The following AOX1 variants were observed in gnomAD, a reference collection of about 807,000 sequenced individuals.
AOX1 encodes the protein aldehyde oxidase.
In AOX1, 153 loss-of-function variants were observed where a neutral mutation model predicts 169.5. The ratio of observed to expected loss-of-function variants is 0.90; its 90% CI spans 0.79 to 1.03. AOX1 has a LOEUF of 1.03. AOX1 is among the 50% of genes least tolerant of loss of function. AOX1 has a pLI of 0.00. For missense variants in AOX1, 1,656 were observed against 1,663.9 expected, an observed-to-expected ratio of 1.00 and a Z score of 0.08; for synonymous variants, 562 against 581.9, an observed-to-expected ratio of 0.97 and a Z score of 0.49.
At chr2:200,636,509 T>A (rs1439739848) in intron 21 of AOX1, among the ~76,000 whole-genome samples, 5 of 152,080 alleles carry the variant, frequency 3.3e-5, no homozygotes, top group Non-Finnish European at 7.4e-5. Context: ...GACTGCAAAA[T>A]CCCACAGCTT....
chr2:200,605,905 T>C (rs1391463440), intron 10 of AOX1, among the ~76,000 whole-genome samples: 2 of 152,206 alleles, frequency 1.3e-5, no homozygotes, highest in African/African-American at 2.4e-5. Context: ...AGTGGGTAGA[T>C]TGCAAAACTT....
intron 26 of AOX1, among the ~76,000 whole-genome samples, chr2:200,652,262 G>A (rs984118191): frequency 6.6e-6 from 1 of 152,180 alleles, no homozygotes; most frequent in Non-Finnish European, 1.5e-5. Context: ...AGCTTTGATT[G>A]TAGGCAGGTG....
chr2:200,622,393 A>AGGTTTTCTGCATAATTCGAGCAGTCAG (rs1559242811), intron 18 of AOX1, among the ~76,000 whole-genome samples: 1 of 152,074 alleles, frequency 6.6e-6, no homozygotes. Flanking sequence ...ACAGCAGTCA[A>AGGTTTTCTGCATAATTCGAGCAGTCAG]CAGGTTTTCT....
intron 20 of AOX1, among the ~76,000 whole-genome samples, chr2:200,630,766 C>T (rs1055399677): frequency 2.0e-5 from 3 of 152,066 alleles, no homozygotes; most frequent in Admixed American, 6.6e-5. Context: ...TATTTCAATG[C>T]GAGGTAATTG....
chr2:200,630,083 G>A (rs2035085160), intron 20 of AOX1, among the ~76,000 whole-genome samples: 1 of 151,454 alleles, frequency 6.6e-6, no homozygotes, highest in Admixed American at 6.6e-5. Context: ...TATTAAAAAA[G>A]AAAAAGGAAG....
chr2:200,589,193 G>A (rs1002951304), intron 1 of AOX1, among the ~76,000 whole-genome samples: 2 of 152,134 alleles, frequency 1.3e-5, no homozygotes, highest in Non-Finnish European at 2.9e-5. Flanking sequence ...AGAAGGTAAC[G>A]ACATCTGGAG....
At chr2:200,615,615 C>T (rs553913543) in intron 15 of AOX1, among the ~76,000 whole-genome samples, 1 of 152,150 alleles carries the variant, frequency 6.6e-6, no homozygotes, top group Non-Finnish European at 1.5e-5. Context: ...GTATTTTCTT[C>T]CTTTCTATTT....
chr2:200,644,668 C>G (rs905972090), intron 25 of AOX1, among the ~76,000 whole-genome samples: 1 of 152,190 alleles, frequency 6.6e-6, no homozygotes, highest in African/African-American at 2.4e-5. Context: ...AATGTTGATT[C>G]TACCCATCCA....
intron 27 of AOX1, 116 bp from the exon 28 acceptor site, chr2:200,659,049 G>T: frequency 1.1e-6 from 1 of 943,430 alleles, no homozygotes; most frequent in South Asian, 2.1e-5. Flanking sequence ...TTGTGGTTCT[G>T]CTCCCTTGTC....
In AOX1 at chr2:200,586,085, C is replaced by G; in HGVS notation, c.-24C>G. On this transcript the variant is annotated 5_prime_UTR_variant, in exon 1 of 35. Transcript: ENST00000374700. ...AGAACCTCCGCCTCCCGCTCCGGGC[C>G]CTCGAACCAGCGCGGACACCACAAT... The G allele has an allele frequency of 6.4e-7, 1 of 1,551,710 alleles. No homozygotes were observed. Among genetic ancestry groups the G allele is most frequent in the Non-Finnish European group, 8.7e-7 (1 of 1,148,736 alleles).
chr2:200,623,546 A>C (rs2034932002), intron 18 of AOX1, among the ~76,000 whole-genome samples: 1 of 152,258 alleles, frequency 6.6e-6, no homozygotes, highest in African/African-American at 2.4e-5. Context: ...GTCGTGTGAC[A>C]GCCAAACATC....
At chr2:200,670,425 G>A (rs2036004627) in intron 34 of AOX1, among the ~76,000 whole-genome samples, 1 of 152,118 alleles carries the variant, frequency 6.6e-6, no homozygotes, top group African/African-American at 2.4e-5. Context: ...TTTTCACTGG[G>A]TGGTCTTCAA....
chr2:200,620,198 A>AGTTTTTTTTTTTTTTTTTTTTTT (rs370920216), intron 16 of AOX1, among the ~76,000 whole-genome samples: 2 of 120,912 alleles, frequency 1.7e-5, no homozygotes. Flanking sequence ...ATTAATAGTG[A>AGTTTTTTTTTTTTTTTTTTTTTT]CTTTTTTTTT....
chr2:200,590,542 A>G (rs1305017053), intron 1 of AOX1, among the ~76,000 whole-genome samples: 1 of 151,952 alleles, frequency 6.6e-6, no homozygotes, highest in Non-Finnish European at 1.5e-5. Flanking sequence ...ACTTCCTCCA[A>G]ATACAACCCT....
Position 200,621,192 on chromosome 2 carries a change from C to G in AOX1, c.1947C>G (p.Asp649Glu). The G allele has an allele frequency of 1.2e-6, 2 of 1,614,058 alleles. No homozygotes were observed. The highest frequency in any genetic ancestry group is 1.7e-6 in the Non-Finnish European group (2 of 1,179,978). ...TCATGACAGCAGAACATCTTAGTGA[C>G]GTCAACTCCTTCTGCTTTTTTACTG... ...VDIMTAEHLS[D>E]VNSFCFFTEA... The change falls in exon 18 of 35, where the codon GAC becomes GAG. Residue 649 changes from aspartate (D) to glutamate (E), a missense_variant. Transcript: ENST00000374700.
At chr2:200,639,836 A>G (rs1394782272) in intron 23 of AOX1, among the ~76,000 whole-genome samples, 2 of 152,046 alleles carry the variant, frequency 1.3e-5, no homozygotes, top group East Asian at 3.9e-4. Flanking sequence ...GGAGTTAGAG[A>G]CCAGCCTGGG....
At position 200,609,153 on chromosome 2, in the gene AOX1, G is replaced by A; in HGVS notation, c.1059+18G>A. 6.2e-7 allele frequency: 1 copy of A among 1,612,976 alleles called. No homozygotes were observed. Among genetic ancestry groups the A allele is most frequent in the Non-Finnish European group, 8.5e-7 (1 of 1,179,562 alleles). The stretch of plus-strand genomic sequence containing the variant: ...ACATGGCTGTATGTATCTGATGACA[G>A]TAAACTCTGGTATGCATCCCTTGGG... On this transcript the variant is annotated intron_variant, in intron 11 of 34. Coordinates refer to ENST00000374700, the MANE Select transcript of AOX1 (RefSeq NM_001159.4).
downstream of AOX1, among the ~76,000 whole-genome samples, chr2:200,682,030 G>A (rs986363124): frequency 2.0e-5 from 3 of 151,922 alleles, no homozygotes; most frequent in Non-Finnish European, 4.4e-5. Flanking sequence ...AAAACACTAC[G>A]ACTCATAAAC....
intron 32 of AOX1, among the ~76,000 whole-genome samples, chr2:200,667,599 A>G (rs1419566834): frequency 6.6e-6 from 1 of 152,048 alleles, no homozygotes; most frequent in Non-Finnish European, 1.5e-5. Flanking sequence ...GTGAAAGAAG[A>G]GTGGAGGAAG....
Sources: allele counts gnomAD v4.1 joint callset (sites outside exome capture counted in the v4.1 genomes callset), GRCh38; gene constraint gnomAD v4.1.1; transcripts MANE v1.5; gene names NCBI Gene and HGNC (gene_info 2026-07-23, HGNC 2026-07-21).